DDX60: variants seen among roughly 807,000 people sequenced by gnomAD.
DDX60 encodes the protein probable ATP-dependent RNA helicase DDX60.
A neutral mutation model predicts 212.8 loss-of-function variants in DDX60; 165 were observed. The observed-to-expected ratio is 0.78, with a 90% CI of 0.68 to 0.88. The LOEUF (loss-of-function observed/expected upper bound fraction) is 0.88. DDX60 is among the 40% of genes least tolerant of loss of function. The pLI is 0.00. For missense variants in DDX60, 1,905 were observed against 2,003.9 expected (o/e 0.95, Z 0.94); for synonymous variants, 703 against 685.3 (o/e 1.03, Z -0.40).
In DDX60 at chr4:168,308,165, T is replaced by A; in HGVS notation, c.105A>T (p.Glu35Asp). Residue 35 changes from glutamate to aspartate, a missense_variant, in exon 4 of 38, where the codon GAA becomes GAT. Glu to Asp is a conservative substitution (Grantham distance 45). Transcript: ENST00000393743. The stretch of plus-strand genomic sequence containing the variant: ...CCCCATCAATCAAAAAAAATTCAGA[T>A]TCAACAAAATCATTGAATAAACTGG... ...EYSSLFNDFV[E>D]SEFFLIDGDS... 6.3e-7 allele frequency: 1 copy of A among 1,578,098 alleles called. No individual in the cohort carries two copies. The highest frequency in any genetic ancestry group is 1.2e-5 in the South Asian group (1 of 85,834).
intron 33 of DDX60, among the ~76,000 whole-genome samples, chr4:168,235,196 G>A (rs1457529253): frequency 1.3e-5 from 2 of 151,920 alleles, no homozygotes; most frequent in Middle Eastern, 3.4e-3. Flanking sequence ...CTTAGAGATG[G>A]GGTCTCTCTC....
At chr4:168,268,514 A>G (rs1734947359) in intron 20 of DDX60, among the ~76,000 whole-genome samples, 1 of 152,030 alleles carries the variant, frequency 6.6e-6, no homozygotes. Flanking sequence ...GGACCACAGG[A>G]CCCATGGCTG....
intron 6 of DDX60, among the ~76,000 whole-genome samples, chr4:168,299,413 C>A (rs554035586): frequency 6.6e-6 from 1 of 150,448 alleles, no homozygotes; most frequent in East Asian, 2.0e-4. Context: ...CCCAGCCCCC[C>A]CAAAAATCTA....
intron 25 of DDX60, among the ~76,000 whole-genome samples, chr4:168,259,203 G>T (rs985462126): frequency 6.6e-6 from 1 of 152,112 alleles, no homozygotes; most frequent in Non-Finnish European, 1.5e-5. Flanking sequence ...AGCCTAAGGT[G>T]GTAGAAGTAA....
At chr4:168,310,722 G>A (rs1737092446) in intron 3 of DDX60, among the ~76,000 whole-genome samples, 1 of 152,104 alleles carries the variant, frequency 6.6e-6, no homozygotes, top group Non-Finnish European at 1.5e-5. Flanking sequence ...TGTGATGATT[G>A]GGTTTTCATG....
chr4:168,275,513 T>G lies in DDX60; in HGVS notation c.2146-10A>C. 1 of 1,578,746 alleles carries G rather than the reference T, an allele frequency of 6.3e-7. No homozygotes were observed. Among genetic ancestry groups the G allele is most frequent in the Non-Finnish European group, 8.6e-7 (1 of 1,162,182 alleles). On this transcript the variant is annotated splice_polypyrimidine_tract_variant and intron_variant, in intron 15 of 37. Transcript: ENST00000393743. ...CATCATTTTCTGCATCCTGCATTAT[T>G]TTAAAAGTCCATTTTGAAAATGACA...
At chr4:168,247,809 G>C (rs936554248) in intron 29 of DDX60, among the ~76,000 whole-genome samples, 1 of 152,164 alleles carries the variant, frequency 6.6e-6, no homozygotes, top group African/African-American at 2.4e-5. Context: ...GATAATTCTA[G>C]AGTGCAAAAT....
rs1735685458 is a variant in DDX60, at chr4:168,283,494, A to G, written c.1674T>C (p.Thr558=). 6.2e-7 allele frequency: 1 copy of G among 1,613,464 alleles called. No individual in the cohort carries two copies. The highest frequency in any genetic ancestry group is 1.1e-5 in the South Asian group (1 of 91,070). ...CACTAAAATCCTTCTTTGACTTAAT[A>G]GTTTGAGTCACGATGATTTTCGAAG... The part of the protein sequence containing the change: ...TVSSKIIVTQ[T]IKSKKDFSGP... The change falls in exon 13 of 38, where the codon ACT becomes ACC. Residue 558 remains threonine (T), a synonymous_variant. Coordinates refer to ENST00000393743, the MANE Select transcript of DDX60 (RefSeq NM_017631.6).
intron 30 of DDX60, among the ~76,000 whole-genome samples, chr4:168,244,383 A>C (rs1733952334): frequency 6.6e-6 from 1 of 152,228 alleles, no homozygotes; most frequent in Non-Finnish European, 1.5e-5. Context: ...ATAAATTGAC[A>C]TTTAAAAAGT....
At chr4:168,267,554 G>C in intron 22 of DDX60, 28 bp downstream of exon 22, 1 of 1,251,200 alleles carries the variant, frequency 8.0e-7, no homozygotes, top group East Asian at 2.4e-5. Flanking sequence ...ATATTACTTA[G>C]AACAAATATG....
Position 168,273,320 on chromosome 4 carries a change from C to T in DDX60, c.2533G>A (p.Val845Ile), listed in dbSNP as rs1048354599. 2.5e-6 allele frequency: 4 copies of T among 1,613,820 alleles called. No individual in the cohort carries two copies. Among genetic ancestry groups the T allele is most frequent in the Non-Finnish European group, 3.4e-6 (4 of 1,179,912 alleles). ...NLPSGEVLCG[V>I]FTREYRHDAL... ...TCATGACGATACTCCCTGGTGAAAA[C>T]ACCACAGAGAACTTCACCACTTGGC... Residue 845 changes from valine (V) to isoleucine (I), a missense_variant, in exon 18 of 38, where the codon GTT (valine) becomes ATT (isoleucine). Physicochemically the swap from Val to Ile is conservative, Grantham distance 29. Transcript: ENST00000393743.
chr4:168,236,028 G>A (rs1733619254), intron 33 of DDX60: 1 of 424,930 alleles, frequency 2.4e-6, no homozygotes, highest in Admixed American at 4.6e-5. Context: ...TGAATAAAAT[G>A]TTTATCCTCT....
intron 20 of DDX60, among the ~76,000 whole-genome samples, chr4:168,268,524 G>A (rs1470443774): frequency 6.6e-6 from 1 of 152,088 alleles, no homozygotes; most frequent in Non-Finnish European, 1.5e-5. Context: ...ACCCATGGCT[G>A]AGTGTGTTGT....
chr4:168,320,346 T>C (rs779503761), upstream of DDX60, among the ~76,000 whole-genome samples: 9 of 152,088 alleles, frequency 5.9e-5, no homozygotes, highest in Non-Finnish European at 1.2e-4. Flanking sequence ...AATGTGATGA[T>C]AGAAACAGTC....
chr4:168,243,666 C>A (rs1443982738), intron 30 of DDX60, among the ~76,000 whole-genome samples: 1 of 152,142 alleles, frequency 6.6e-6, no homozygotes, highest in Non-Finnish European at 1.5e-5. Flanking sequence ...GAGTGTAAAT[C>A]AGTCCAACCG....
At chr4:168,240,261 T>A (rs1304241059) in intron 30 of DDX60, among the ~76,000 whole-genome samples, 1 of 151,974 alleles carries the variant, frequency 6.6e-6, no homozygotes, top group Non-Finnish European at 1.5e-5. Context: ...ATACAGCTAA[T>A]AAGGGAAGTG....
chr4:168,269,524 C>A (rs1244861268), intron 19 of DDX60, among the ~76,000 whole-genome samples: 1 of 152,038 alleles, frequency 6.6e-6, no homozygotes, highest in Admixed American at 6.6e-5. Flanking sequence ...TGGCGTGAAC[C>A]CGGAAGGCAG....
chr4:168,273,907 A>G (rs1320687786), intron 17 of DDX60, 27 bp downstream of exon 17: 1 of 1,594,238 alleles, frequency 6.3e-7, no homozygotes, highest in East Asian at 2.2e-5. Context: ...GGAATGAAAG[A>G]GAATATTATA....
chr4:168,293,100 AGT>A (rs372054720), intron 7 of DDX60, among the ~76,000 whole-genome samples: 34 of 152,146 alleles, frequency 2.2e-4, no homozygotes, highest in African/African-American at 3.6e-4. Flanking sequence ...TGAGTGTGTA[AGT>A]GTGTGTGTGT....
Sources: allele counts gnomAD v4.1 joint callset (sites outside exome capture counted in the v4.1 genomes callset), GRCh38; gene constraint gnomAD v4.1.1; transcripts MANE v1.5; gene names NCBI Gene and HGNC (gene_info 2026-07-23, HGNC 2026-07-21).